The following EPHA6 variants were observed in gnomAD, a reference collection of about 807,000 sequenced individuals.
The protein encoded by EPHA6 is EPH receptor A6.
EPHA6 carries 50 observed loss-of-function variants against 112.0 expected under a neutral mutation model. The ratio of observed to expected loss-of-function variants is 0.45; its 90% CI spans 0.36 to 0.56. The LOEUF is 0.56. Ranked by LOEUF, EPHA6 falls within the 20% of genes least tolerant of loss-of-function variation. The pLI, the probability that EPHA6 is intolerant of heterozygous loss-of-function variation, is 0.00. For missense variants in EPHA6, 1,280 were observed against 1,417.4 expected (o/e 0.90, Z 1.56); for synonymous variants, 529 against 490.7 (o/e 1.08, Z -1.03).
At chr3:97,584,583 G>T (rs1345475809) in intron 11 of EPHA6, among the ~76,000 whole-genome samples, 1 of 152,112 alleles carries the variant, frequency 6.6e-6, no homozygotes, top group African/African-American at 2.4e-5. Flanking sequence ...CACTATGATT[G>T]ACTTCTGCCT....
chr3:97,061,578 A>G (rs185122345), intron 3 of EPHA6, among the ~76,000 whole-genome samples: 3 of 152,334 alleles, frequency 2.0e-5, no homozygotes, highest in Non-Finnish European at 4.4e-5. Flanking sequence ...CACTACCACT[A>G]TATGTTTATG....
chr3:97,185,914 G>C (rs1228587652), intron 3 of EPHA6, among the ~76,000 whole-genome samples: 1 of 152,010 alleles, frequency 6.6e-6, no homozygotes, highest in Non-Finnish European at 1.5e-5. Context: ...CCTTTGTAGG[G>C]ACATGGATGA....
intron 10 of EPHA6, among the ~76,000 whole-genome samples, chr3:97,520,471 A>G (rs763584994): frequency 2.6e-5 from 4 of 152,162 alleles, no homozygotes; most frequent in Non-Finnish European, 5.9e-5. Context: ...ATGAAGGATA[A>G]CTTTGCTAGG....
intron 3 of EPHA6, among the ~76,000 whole-genome samples, chr3:97,204,400 C>T (rs2077660988): frequency 6.6e-6 from 1 of 151,962 alleles, no homozygotes; most frequent in East Asian, 1.9e-4. Context: ...AATTAATTCT[C>T]AAGATAGTTG....
chr3:97,589,395 A>G lies in EPHA6; in HGVS notation c.2387-3217A>G, dbSNP rs1024484133. The stretch of plus-strand genomic sequence containing the variant: ...CAAGCCAGAAGGAAGCATGCAGGCC[A>G]TGTCAGCTTCTGCTTTTTTCCCACT... On this transcript the variant is annotated intron_variant, in intron 11 of 17. Transcript: ENST00000389672. 3.3e-5 allele frequency among the ~76,000 whole-genome samples: 5 copies of G among 152,272 alleles called. No individual in the cohort carries two copies. In the East Asian group the frequency reaches 5.8e-4, roughly 18 times the overall value.
intron 3 of EPHA6, among the ~76,000 whole-genome samples, chr3:97,160,780 G>A (rs1400919335): frequency 6.6e-6 from 1 of 152,140 alleles, no homozygotes; most frequent in Non-Finnish European, 1.5e-5. Flanking sequence ...CAGGTTCACT[G>A]CCCAGAGTTC....
At chr3:97,431,269 T>G (rs958412236) in intron 6 of EPHA6, among the ~76,000 whole-genome samples, 4 of 152,146 alleles carry the variant, frequency 2.6e-5, no homozygotes, top group African/African-American at 9.6e-5. Context: ...TATCAACATT[T>G]CCATAGATTA....
chr3:97,332,861 T>C (rs2108828991), intron 5 of EPHA6, among the ~76,000 whole-genome samples: 1 of 152,284 alleles, frequency 6.6e-6, no homozygotes, highest in East Asian at 1.9e-4. Context: ...CTGGTTTACT[T>C]TACTACAAAG....
chr3:97,437,489 C>A (rs147883471), intron 6 of EPHA6, among the ~76,000 whole-genome samples: 1 of 151,982 alleles, frequency 6.6e-6, no homozygotes, highest in South Asian at 2.1e-4. Context: ...AGATACTTAG[C>A]GTGTTATTTT....
At chr3:96,873,072 A>G (rs2036728059) in intron 2 of EPHA6, among the ~76,000 whole-genome samples, 1 of 152,022 alleles carries the variant, frequency 6.6e-6, no homozygotes, top group Admixed American at 6.6e-5. Context: ...GTTCGAGACC[A>G]ACCTGGCCAA....
rs959933695 is a variant in EPHA6, at chr3:97,750,546, G to A, written c.*1845G>A. ...TAATTTTTGTATTTTTAGTAGAGACGGGGTTTCACCATGTTGGCCAGGCTG... is the reference window on the plus strand; with the variant it reads ...TAATTTTTGTATTTTTAGTAGAGACAGGGTTTCACCATGTTGGCCAGGCTG... On this transcript the variant is annotated 3_prime_UTR_variant, in exon 18 of 18. Transcript: ENST00000389672. Among the ~76,000 whole-genome samples the A allele has an allele frequency of 6.6e-6, 1 of 151,838 alleles. No individual in the cohort carries two copies. The highest frequency in any genetic ancestry group is 2.4e-5 in the African/African-American group (1 of 41,324).
At chr3:97,563,936 A>G (rs906752522) in intron 11 of EPHA6, among the ~76,000 whole-genome samples, 2 of 152,186 alleles carry the variant, frequency 1.3e-5, no homozygotes, top group Non-Finnish European at 2.9e-5. Flanking sequence ...AATCAACTTA[A>G]TAGTTACAAA....
At chr3:97,327,510 T>C (rs1349497840) in intron 5 of EPHA6, among the ~76,000 whole-genome samples, 2 of 151,936 alleles carry the variant, frequency 1.3e-5, no homozygotes, top group Admixed American at 6.6e-5. Flanking sequence ...TGTGTGTATA[T>C]GCTAAGCTTT....
chr3:97,696,444 T>C (rs2033045288), intron 14 of EPHA6, among the ~76,000 whole-genome samples: 1 of 152,238 alleles, frequency 6.6e-6, no homozygotes, highest in Non-Finnish European at 1.5e-5. Context: ...ATTCTGTACC[T>C]TTTAGTGCTT....
At chr3:97,683,897 G>GC (rs928901546) in intron 14 of EPHA6, among the ~76,000 whole-genome samples, 1 of 152,138 alleles carries the variant, frequency 6.6e-6, no homozygotes, top group Non-Finnish European at 1.5e-5. Flanking sequence ...TTCTCATGCT[G>GC]CATTAGCTGA....
intron 5 of EPHA6, among the ~76,000 whole-genome samples, chr3:97,388,744 A>C (rs1246488073): frequency 6.6e-6 from 1 of 152,086 alleles, no homozygotes; most frequent in Non-Finnish European, 1.5e-5. Flanking sequence ...AGTTTGGGGG[A>C]AAAAGATCCT....
rs771203142 is a variant in EPHA6 at position 97,570,728 on chromosome 3, C to CAA, written c.2387-21872_2387-21871dup. On this transcript the variant is annotated intron_variant, in intron 11 of 17. Coordinates refer to ENST00000389672, the MANE Select transcript of EPHA6 (RefSeq NM_001080448.3). ...AGGGTGACAGAGTGAGACTCTGTTT[C>CAA]AAAAAAAAAAAAAGTATTATGGAAG... Among the ~76,000 whole-genome samples, 10 of 132,142 alleles carry CAA rather than the reference C, an allele frequency of 7.6e-5. No homozygotes were observed. In the South Asian group the frequency reaches 9.7e-4, roughly 13 times the overall value. 86.7% of individuals were successfully genotyped at this position (132,142 alleles called of 152,430 possible).
intron 11 of EPHA6, among the ~76,000 whole-genome samples, chr3:97,535,463 G>T (rs370199980): frequency 7.2e-5 from 11 of 152,028 alleles, no homozygotes; most frequent in East Asian, 1.9e-4. Flanking sequence ...TACCAAGGTG[G>T]GTTGTAGAGA....
intron 3 of EPHA6, among the ~76,000 whole-genome samples, chr3:97,078,244 T>G (rs1559713421): frequency 1.3e-5 from 2 of 152,220 alleles, no homozygotes; most frequent in Non-Finnish European, 2.9e-5. Flanking sequence ...TGTGATTGTT[T>G]GTTTTTTTCT....
Sources: gnomAD v4.1 joint callset for allele counts (sites outside exome capture counted in the v4.1 genomes callset) on GRCh38, gnomAD v4.1.1 for gene constraint, MANE v1.5 for transcripts, NCBI Gene and HGNC (gene_info 2026-07-23, HGNC 2026-07-21) for gene names.